ATP13A4: variants seen among roughly 807,000 people sequenced by gnomAD.
ATP13A4 encodes probable cation-transporting ATPase 13A4.
Under a neutral mutation model 142.5 loss-of-function variants are expected in ATP13A4, and 114 were observed. The observed-to-expected ratio is 0.80, with a 90% confidence interval of 0.69 to 0.93. The LOEUF is 0.93. Among genes scored for constraint, ATP13A4 ranks in the 40% least tolerant of loss-of-function variants. The pLI is 0.00. For missense variants in ATP13A4, 1,392 were observed against 1,454.0 expected, an observed-to-expected ratio of 0.96 and a Z score of 0.69; for synonymous variants, 488 against 514.8, an observed-to-expected ratio of 0.95 and a Z score of 0.70.
chr3:193,495,061 C>G (rs768749879), intron 3 of ATP13A4, among the ~76,000 whole-genome samples: 1 of 151,868 alleles, frequency 6.6e-6, no homozygotes, highest in African/African-American at 2.4e-5. Flanking sequence ...TGAAGAAATA[C>G]AAAATGTGAA....
chr3:193,403,538 A>T (rs1461973938), intron 29 of ATP13A4, among the ~76,000 whole-genome samples: 1 of 152,220 alleles, frequency 6.6e-6, no homozygotes, highest in African/African-American at 2.4e-5. Flanking sequence ...ACCCTTTGGA[A>T]CTACTCATTT....
chr3:193,426,197 A>G (rs1192505539), intron 25 of ATP13A4, among the ~76,000 whole-genome samples: 7 of 151,836 alleles, frequency 4.6e-5, no homozygotes, highest in Admixed American at 3.9e-4. Flanking sequence ...CAACACAAAA[A>G]CAATCATCGT....
intron 25 of ATP13A4, 54 bp downstream of exon 25, chr3:193,433,791 A>C: frequency 7.6e-7 from 1 of 1,313,272 alleles, no homozygotes; most frequent in Non-Finnish European, 1.1e-6. Flanking sequence ...TCCAAGGCAG[A>C]GGGAGGGCAG....
chr3:193,487,999 C>G (rs949281989), intron 7 of ATP13A4, among the ~76,000 whole-genome samples: 1 of 152,166 alleles, frequency 6.6e-6, no homozygotes, highest in Non-Finnish European at 1.5e-5. Context: ...CACGGTGGCT[C>G]ACGCCTGTAA....
At chr3:193,575,613 C>T (rs1724375542) in intron 2 of ATP13A4, among the ~76,000 whole-genome samples, 1 of 152,170 alleles carries the variant, frequency 6.6e-6, no homozygotes, top group Non-Finnish European at 1.5e-5. Context: ...AAATTTGATG[C>T]TGATTGTATA....
rs1223377715 is a variant in ATP13A4 at position 193,528,488 on chromosome 3, C to T, written c.61-13617G>A. Among the ~76,000 whole-genome samples, 4 of 152,000 alleles carry T rather than the reference C, an allele frequency of 2.6e-5. No individual in the cohort carries two copies. In the South Asian group the frequency reaches 6.2e-4, roughly 24 times the overall value. On this transcript the variant is annotated intron_variant, in intron 1 of 29. Coordinates refer to ENST00000342695, the MANE Select transcript of ATP13A4 (RefSeq NM_032279.4). ...CAATGGACAGAAGTGGAAATGGTGA[C>T]ATTAGAATATGTAAAGGGGAAATGA...
intron 25 of ATP13A4, among the ~76,000 whole-genome samples, chr3:193,418,191 C>T (rs1576940969): frequency 1.5e-5 from 2 of 133,210 alleles, no homozygotes; most frequent in South Asian, 4.8e-4. Flanking sequence ...GTGGCGGGCA[C>T]CTGTAGTCCC....
At chr3:193,421,449 A>C (rs1715396444) in intron 25 of ATP13A4, among the ~76,000 whole-genome samples, 1 of 149,784 alleles carries the variant, frequency 6.7e-6, no homozygotes, top group South Asian at 2.1e-4. Context: ...GACACTACAA[A>C]TATAAAAACA....
At chr3:193,414,182 G>T (rs1450323210) in intron 26 of ATP13A4, among the ~76,000 whole-genome samples, 1 of 152,224 alleles carries the variant, frequency 6.6e-6, no homozygotes, top group Non-Finnish European at 1.5e-5. Context: ...TAATTTGTAA[G>T]TGAGTTGAAT....
At chr3:193,553,118 GGCT>G (rs1723678825) in intron 1 of ATP13A4, 1 of 152,158 alleles carries the variant, frequency 6.6e-6, no homozygotes, top group African/African-American at 2.4e-5. Flanking sequence ...CTGGCCAAAT[GGCT>G]GCCTACCAGA....
At chr3:193,457,353 T>C (rs1717681996) in intron 15 of ATP13A4, 26 bp downstream of exon 15, 1 of 1,611,528 alleles carries the variant, frequency 6.2e-7, no homozygotes, top group Non-Finnish European at 8.5e-7. Flanking sequence ...TTGGGTGTTG[T>C]GGGGTGAAGA....
intron 2 of ATP13A4, among the ~76,000 whole-genome samples, chr3:193,573,292 C>CATATATATATATATTCTT (rs1724319244): frequency 9.3e-6 from 1 of 107,888 alleles, no homozygotes; most frequent in African/African-American, 4.6e-5. Context: ...TATATATACA[C>CATATATATATATATTCTT]ATATATATAT....
intron 1 of ATP13A4, among the ~76,000 whole-genome samples, chr3:193,587,556 G>T (rs1724692976): frequency 1.3e-5 from 2 of 152,124 alleles, no homozygotes; most frequent in Admixed American, 1.3e-4. Context: ...CAAGTTCCAA[G>T]GATTAAGATC....
At chr3:193,586,493 ATT>A (rs1724674387) in intron 1 of ATP13A4, among the ~76,000 whole-genome samples, 1 of 152,172 alleles carries the variant, frequency 6.6e-6, no homozygotes, top group Admixed American at 6.5e-5. Context: ...AGTTTATACA[ATT>A]TTTGTGCATG....
chr3:193,592,215 C>A (rs1331791457), intron 1 of ATP13A4, among the ~76,000 whole-genome samples: 3 of 151,942 alleles, frequency 2.0e-5, no homozygotes, highest in African/African-American at 7.3e-5. Context: ...TTATTTTAGT[C>A]CCTAAAAATT....
At chr3:193,454,639 T>C (rs1312873323) in intron 16 of ATP13A4, among the ~76,000 whole-genome samples, 1 of 152,156 alleles carries the variant, frequency 6.6e-6, no homozygotes, top group Non-Finnish European at 1.5e-5. Flanking sequence ...ATTCAATAAA[T>C]TGTCCTGAAA....
At chr3:193,413,373 A>C (rs955054125) in intron 26 of ATP13A4, among the ~76,000 whole-genome samples, 1 of 152,188 alleles carries the variant, frequency 6.6e-6, no homozygotes, top group East Asian at 1.9e-4. Flanking sequence ...GTGTTTGAAC[A>C]ATATGAAATC....
chr3:193,501,063 A>G (rs1720513988), intron 3 of ATP13A4, among the ~76,000 whole-genome samples: 1 of 152,166 alleles, frequency 6.6e-6, no homozygotes, highest in East Asian at 1.9e-4. Context: ...CCATTTCAAG[A>G]CCTCTGCCCC....
intron 1 of ATP13A4, among the ~76,000 whole-genome samples, chr3:193,583,874 G>A (rs777899664): frequency 1.5e-4 from 23 of 152,094 alleles, no homozygotes; most frequent in Non-Finnish European, 2.9e-4. Flanking sequence ...TGCAGAAAAG[G>A]TATAAAAATT....
Sources: gnomAD v4.1 joint callset for allele counts (sites outside exome capture counted in the v4.1 genomes callset) on GRCh38, gnomAD v4.1.1 for gene constraint, MANE v1.5 for transcripts, NCBI Gene and HGNC (gene_info 2026-07-23, HGNC 2026-07-21) for gene names.